Variants in XKR6 observed in about 807,000 individuals in gnomAD.
XKR6 encodes XK related 6, also known as XK-related protein 6.
Under a neutral mutation model 56.7 loss-of-function variants are expected in XKR6, and 22 were observed. The ratio of observed to expected loss-of-function variants is 0.39; its 90% CI spans 0.28 to 0.55. The LOEUF is 0.55. Among genes scored for constraint, XKR6 ranks in the 20% least tolerant of loss-of-function variants. The pLI, the probability that XKR6 is intolerant of heterozygous loss-of-function variation, is 0.66. For missense variants in XKR6, 852 were observed against 889.0 expected (o/e 0.96, Z 0.53); for synonymous variants, 524 against 387.8 (o/e 1.35, Z -4.13).
At chr8:10,934,568 G>A (rs1322114372) in intron 1 of XKR6, among the ~76,000 whole-genome samples, 1 of 126,992 alleles carries the variant, frequency 7.9e-6, no homozygotes, top group Admixed American at 7.6e-5. Context: ...TTTGAAATAC[G>A]TCCCATCAAT....
At chr8:11,109,269 C>G (rs1798799222) in intron 1 of XKR6, 1 of 152,226 alleles carries the variant, frequency 6.6e-6, no homozygotes, top group African/African-American at 2.4e-5. Flanking sequence ...ATGCCATCAT[C>G]TCCACTACGT....
At chr8:11,125,320 G>C (rs977965001) in intron 1 of XKR6, among the ~76,000 whole-genome samples, 1 of 151,964 alleles carries the variant, frequency 6.6e-6, no homozygotes, top group Admixed American at 6.6e-5. Flanking sequence ...AGAGACCCTA[G>C]AACCCCGCAC....
At chr8:11,025,092 C>T (rs535705408) in intron 1 of XKR6, among the ~76,000 whole-genome samples, 13 of 152,138 alleles carry the variant, frequency 8.5e-5, no homozygotes, top group African/African-American at 2.4e-4. Context: ...GCCTTGGAGC[C>T]GACTGGAGCA....
chr8:11,119,431 T>A (rs1799339493), intron 1 of XKR6, among the ~76,000 whole-genome samples: 1 of 152,218 alleles, frequency 6.6e-6, no homozygotes. Flanking sequence ...CCATTATTAT[T>A]GTGTGGGAGT....
chr8:11,012,589 T>C (rs941523872), intron 1 of XKR6, among the ~76,000 whole-genome samples: 1 of 152,030 alleles, frequency 6.6e-6, no homozygotes, highest in African/African-American at 2.4e-5. Context: ...GGAAAAGAGC[T>C]GGGAAATGTA....
intron 1 of XKR6, 37 bp from the exon 2 acceptor site, chr8:10,924,867 G>A (rs373706909): frequency 6.3e-7 from 1 of 1,590,498 alleles, no homozygotes; most frequent in African/African-American, 1.3e-5. Context: ...GAGAGCATGG[G>A]TGGGTGCAGG....
chr8:11,069,948 C>T (rs1430828866), intron 1 of XKR6, among the ~76,000 whole-genome samples: 2 of 152,164 alleles, frequency 1.3e-5, no homozygotes, highest in African/African-American at 4.8e-5. Context: ...AAGGATTAGT[C>T]AATAGAGGCC....
At chr8:10,925,869 C>T (rs1326599632) in intron 1 of XKR6, among the ~76,000 whole-genome samples, 1 of 152,126 alleles carries the variant, frequency 6.6e-6, no homozygotes, top group Non-Finnish European at 1.5e-5. Context: ...CTTAAGGCAC[C>T]ATCCAAACTC....
intron 1 of XKR6, among the ~76,000 whole-genome samples, chr8:10,970,412 T>A (rs1443910499): frequency 6.6e-6 from 1 of 152,186 alleles, no homozygotes; most frequent in East Asian, 1.9e-4. Flanking sequence ...CATATGATAC[T>A]GTGAATATTT....
intron 1 of XKR6, among the ~76,000 whole-genome samples, chr8:11,124,982 G>A (rs1316205563): frequency 2.0e-5 from 3 of 150,908 alleles, no homozygotes; most frequent in Non-Finnish European, 3.0e-5. Flanking sequence ...CCAGCTACTC[G>A]GGAGGCTGAG....
At chr8:11,099,940 G>T (rs112752635) in intron 1 of XKR6, among the ~76,000 whole-genome samples, 1 of 152,158 alleles carries the variant, frequency 6.6e-6, no homozygotes, top group African/African-American at 2.4e-5. Context: ...TAGACAAAGC[G>T]AGCAGCAAAT....
chr8:11,026,246 A>G (rs112870584), intron 1 of XKR6, among the ~76,000 whole-genome samples: 10,913 of 130,042 alleles, frequency 0.084, 458 homozygotes, highest in African/African-American at 0.32. Flanking sequence ...ACACCTAGAT[A>G]GTCTAGCCTA....
chr8:10,911,316 G>T (rs1315377366), intron 2 of XKR6, among the ~76,000 whole-genome samples: 6 of 116,546 alleles, frequency 5.1e-5, no homozygotes, highest in South Asian at 3.0e-4. Flanking sequence ...AGAGAGAGAG[G>T]GTGAGTATAT....
intron 1 of XKR6, among the ~76,000 whole-genome samples, chr8:11,152,874 T>C (rs1226062498): frequency 6.6e-6 from 1 of 152,182 alleles, no homozygotes; most frequent in African/African-American, 2.4e-5. Context: ...ATACTGGTTT[T>C]ACTTTCCATA....
At chr8:11,097,841 A>G (rs1347891036) in intron 1 of XKR6, among the ~76,000 whole-genome samples, 1 of 148,376 alleles carries the variant, frequency 6.7e-6, no homozygotes, top group Non-Finnish European at 1.5e-5. Context: ...ATACAAATGT[A>G]AAGTATTACT....
At chr8:11,172,349 G>A (rs949509107) in intron 1 of XKR6, among the ~76,000 whole-genome samples, 1 of 152,102 alleles carries the variant, frequency 6.6e-6, no homozygotes, top group African/African-American at 2.4e-5. Flanking sequence ...CAGCCTGGTC[G>A]ACAGACCCTG....
intron 1 of XKR6, among the ~76,000 whole-genome samples, chr8:11,118,177 C>G (rs1799270349): frequency 6.6e-6 from 1 of 152,156 alleles, no homozygotes; most frequent in Non-Finnish European, 1.5e-5. Flanking sequence ...CAGTACTACT[C>G]TTAATATACA....
chr8:10,932,802 C>A (rs1169220389), intron 1 of XKR6, among the ~76,000 whole-genome samples: 1 of 127,848 alleles, frequency 7.8e-6, no homozygotes, highest in Admixed American at 7.5e-5. Context: ...ATATGTGCCA[C>A]ATTTTCTTAA....
intron 1 of XKR6, among the ~76,000 whole-genome samples, chr8:11,053,607 G>C (rs189414185): frequency 6.6e-6 from 1 of 152,232 alleles, no homozygotes; most frequent in African/African-American, 2.4e-5. Context: ...AAACAGATGA[G>C]CTCTGATTGA....
Sources: allele counts gnomAD v4.1 joint callset (sites outside exome capture counted in the v4.1 genomes callset), GRCh38; gene constraint gnomAD v4.1.1; transcripts MANE v1.5; gene names NCBI Gene and HGNC (gene_info 2026-07-23, HGNC 2026-07-21).